ATAD2: variants seen among roughly 807,000 people sequenced by gnomAD.
ATAD2 encodes ATPase family AAA domain-containing protein 2.
A neutral mutation model predicts 168.9 loss-of-function variants in ATAD2; 62 were observed. That is an observed-to-expected ratio of 0.37 (90% confidence interval 0.30 to 0.45). The LOEUF (loss-of-function observed/expected upper bound fraction) is 0.45, where lower values mean the gene tolerates loss of function less well. Among genes scored for constraint, ATAD2 ranks in the 20% least tolerant of loss-of-function variants. The pLI, the probability that ATAD2 is intolerant of heterozygous loss-of-function variation, is 1.00. For synonymous variants in ATAD2, 613 were observed against 571.6 expected, an observed-to-expected ratio of 1.07 and a Z score of -1.03; for missense variants, 1,419 against 1,667.8, an observed-to-expected ratio of 0.85 and a Z score of 2.60.
At chr8:123,380,729 T>C in intron 1 of ATAD2, 52 bp from the exon 2 acceptor site, 1 of 1,561,134 alleles carries the variant, frequency 6.4e-7, no homozygotes, top group Non-Finnish European at 8.7e-7. Context: ...AAAACTCCAA[T>C]TTAAATTCCT....
intron 21 of ATAD2, 21 bp downstream of exon 21, chr8:123,337,604 A>T: frequency 1.3e-6 from 2 of 1,566,068 alleles, no homozygotes; most frequent in Non-Finnish European, 1.7e-6. Context: ...AATACACTTG[A>T]TCCAAAGATT....
chr8:123,387,177 T>C (rs1829668933), intron 1 of ATAD2, among the ~76,000 whole-genome samples: 1 of 152,174 alleles, frequency 6.6e-6, no homozygotes, highest in South Asian at 2.1e-4. Context: ...CTATATGTTT[T>C]ATAAGTTTTT....
upstream of ATAD2, among the ~76,000 whole-genome samples, chr8:123,398,116 C>A (rs1314511014): frequency 6.6e-6 from 1 of 151,818 alleles, no homozygotes; most frequent in Non-Finnish European, 1.5e-5. Flanking sequence ...ATCTGCGTGG[C>A]TGCTGAATGA....
chr8:123,354,912 A>T (rs911959812), intron 13 of ATAD2, among the ~76,000 whole-genome samples: 2 of 143,368 alleles, frequency 1.4e-5, no homozygotes, highest in African/African-American at 5.4e-5. Context: ...GTTTTGCTAC[A>T]ATTACTCTGT....
At chr8:123,403,891 T>G (rs1402946038) in intron 1 of ATAD2, among the ~76,000 whole-genome samples, 1 of 152,014 alleles carries the variant, frequency 6.6e-6, no homozygotes, top group African/African-American at 2.4e-5. Flanking sequence ...GCTGTTGACA[T>G]AAAGTGACCT....
At chr8:123,347,484 G>GT in intron 15 of ATAD2, 78 bp from the exon 16 acceptor site, 2 of 1,323,344 alleles carry the variant, frequency 1.5e-6, no homozygotes, top group Non-Finnish European at 1.0e-6. Flanking sequence ...CATGACCATG[G>GT]TTAAAAAAAA....
At position 123,380,621 on chromosome 8, in the gene ATAD2, A is replaced by C; in HGVS notation, c.228T>G (p.Ser76=). The change falls in exon 2 of 28, where the codon TCT becomes TCG. Residue 76 remains serine (S), a synonymous_variant. Transcript: ENST00000287394. ...ETYHRTRALR[S]LRKDAQNSSD... ...AAGAATTCTGTGCATCTTTTCTCAA[A>C]GATCTTAAAGCACGTGTCCGGTGGT... The C allele has an allele frequency of 6.2e-7, 1 of 1,614,116 alleles. No individual in the cohort carries two copies. Among genetic ancestry groups the C allele is most frequent in the Non-Finnish European group, 8.5e-7 (1 of 1,180,002 alleles).
Position 123,333,948 on chromosome 8 carries a change from A to G in ATAD2, c.3408T>C (p.Asp1136=). ...CATTCTGCTCTGGGTCTGATCTTTT[A>G]TCACCAACAAGAGTGGAATTTTGCT... ...MPKQNSTLVG[D]KRSDPEQNEK... is the part of the protein sequence containing the mutation. The change falls in exon 24 of 28, where the codon GAT becomes GAC. Residue 1136 remains aspartate (D), a synonymous_variant. Coordinates refer to ENST00000287394, the MANE Select transcript of ATAD2 (RefSeq NM_014109.4). 2 of 1,614,154 alleles carry G rather than the reference A, an allele frequency of 1.2e-6. No homozygotes were observed. Among genetic ancestry groups the G allele is most frequent in the Non-Finnish European group, 1.7e-6 (2 of 1,180,008 alleles).
At chr8:123,393,136 G>A (rs1046223480) in intron 1 of ATAD2, among the ~76,000 whole-genome samples, 1 of 148,478 alleles carries the variant, frequency 6.7e-6, no homozygotes, top group African/African-American at 2.5e-5. Context: ...AGTGAGCCGA[G>A]ATTGGGCCAC....
intron 26 of ATAD2, among the ~76,000 whole-genome samples, chr8:123,325,099 C>CT (rs761145398): frequency 0.025 from 2,930 of 115,000 alleles, 134 homozygotes; most frequent in African/African-American, 0.069. Flanking sequence ...AGTAATAATT[C>CT]TTTTTTTTTT....
intron 24 of ATAD2, among the ~76,000 whole-genome samples, chr8:123,329,981 CTTTTTTTTTTT>C (rs71310666): frequency 3.0e-5 from 3 of 100,332 alleles, no homozygotes; most frequent in Admixed American, 1.1e-4. Context: ...CCAGTGGCTT[CTTTTTTTTTTT>C]TTTTTTTTTT....
intron 19 of ATAD2, among the ~76,000 whole-genome samples, chr8:123,341,560 A>C (rs532938931): frequency 6.6e-6 from 1 of 152,338 alleles, no homozygotes; most frequent in Non-Finnish European, 1.5e-5. Context: ...AGAAAAAAGA[A>C]AGACATTCAG....
intron 24 of ATAD2, 134 bp from the exon 25 acceptor site, chr8:123,328,713 CAAG>C: frequency 3.2e-6 from 3 of 928,376 alleles, no homozygotes; most frequent in South Asian, 2.8e-5. Context: ...AATACAGAAA[CAAG>C]AATAGAGCAT....
At position 123,380,640 on chromosome 8, in the gene ATAD2, CGGT is replaced by C; in HGVS notation, c.206_208del (p.His69del). On this transcript the variant is annotated inframe_deletion, in exon 2 of 28. Transcript: ENST00000287394. ...TCTCAAAGATCTTAAAGCACGTGTC[CGGT>C]GGTAGGTTTCAACTTCCTTAACTGA... 1 of 1,613,882 alleles carries C rather than the reference CGGT, an allele frequency of 6.2e-7. No individual in the cohort carries two copies. Among genetic ancestry groups the C allele is most frequent in the Non-Finnish European group, 8.5e-7 (1 of 1,179,926 alleles).
At chr8:123,339,593 C>G (rs1828010742) in intron 19 of ATAD2, 147 bp from the exon 20 acceptor site, 4 of 722,252 alleles carry the variant, frequency 5.5e-6, no homozygotes, top group Non-Finnish European at 8.9e-6. Flanking sequence ...CGGGTTATGT[C>G]CAAATAAACC....
chr8:123,373,896 A>ATT, intron 2 of ATAD2, among the ~76,000 whole-genome samples: 1 of 151,994 alleles, frequency 6.6e-6, no homozygotes, highest in African/African-American at 2.4e-5. Flanking sequence ...TAATCAACCT[A>ATT]TGTATCAAGC....
At chr8:123,391,793 C>G (rs955079499) in intron 1 of ATAD2, among the ~76,000 whole-genome samples, 1 of 152,192 alleles carries the variant, frequency 6.6e-6, no homozygotes, top group Non-Finnish European at 1.5e-5. Flanking sequence ...ATTTTTGGTA[C>G]TGATGGGCTT....
intron 8 of ATAD2, among the ~76,000 whole-genome samples, chr8:123,365,467 C>A (rs941153733): frequency 1.3e-5 from 2 of 152,086 alleles, no homozygotes; most frequent in Non-Finnish European, 2.9e-5. Flanking sequence ...GCCTGCATAG[C>A]CAAAGCAAGT....
chr8:123,321,090 T>C lies in ATAD2; in HGVS notation c.*44A>G. The C allele has an allele frequency of 1.3e-6, 2 of 1,573,740 alleles. No individual in the cohort carries two copies. The highest frequency in any genetic ancestry group is 1.7e-6 in the Non-Finnish European group (2 of 1,152,640). On this transcript the variant is annotated 3_prime_UTR_variant, in exon 28 of 28. Coordinates refer to ENST00000287394, the MANE Select transcript of ATAD2 (RefSeq NM_014109.4). ...TTAGGCGGACATGACAAAAATGACTTAAATAGGAACTGAATATAAAGAATA... is the reference window on the plus strand; with the variant it reads ...TTAGGCGGACATGACAAAAATGACTCAAATAGGAACTGAATATAAAGAATA...
Sources: gnomAD v4.1 joint callset for allele counts (sites outside exome capture counted in the v4.1 genomes callset) on GRCh38, gnomAD v4.1.1 for gene constraint, MANE v1.5 for transcripts, NCBI Gene and HGNC (gene_info 2026-07-23, HGNC 2026-07-21) for gene names.